Variants in CBFA2T2 observed in about 807,000 individuals in gnomAD.
CBFA2T2 encodes protein CBFA2T2.
CBFA2T2 carries 11 observed loss-of-function variants against 62.2 expected under a neutral mutation model. The ratio of observed to expected loss-of-function variants is 0.18; its 90% CI spans 0.11 to 0.29. The LOEUF (loss-of-function observed/expected upper bound fraction) is 0.29, where lower values mean the gene tolerates loss of function less well. CBFA2T2 is among the 10% of genes least tolerant of loss of function. The pLI, the probability that CBFA2T2 is intolerant of heterozygous loss-of-function variation, is 1.00. For synonymous variants in CBFA2T2, 295 were observed against 287.5 expected, an observed-to-expected ratio of 1.03 and a Z score of -0.27; for missense variants, 592 against 774.1, an observed-to-expected ratio of 0.76 and a Z score of 2.79.
At position 33,644,572 on chromosome 20, in the gene CBFA2T2, G is replaced by A. The variant is rs576506202; in HGVS notation, c.1714G>A (p.Asp572Asn). The A allele has an allele frequency of 3.0e-5, 49 of 1,613,446 alleles. No individual in the cohort carries two copies. The South Asian group carries it at 4.3e-4, about 14-fold the overall frequency. Residue 572 changes from aspartate to asparagine, a missense_variant, in exon 11 of 11, where the codon GAC becomes AAC. By Grantham distance (23) the Asp-to-Asn change is conservative (BLOSUM62 1). Coordinates refer to ENST00000342704, the MANE Select transcript of CBFA2T2 (RefSeq NM_001032999.3). ...CTGCAGCGTGCCCAGCCCAGCCCTC[G>A]ACAAGACCTCGGCAACCACATCGCG... ...ADCSVPSPAL[D>N]KTSATTSRSS...
intron 1 of CBFA2T2, among the ~76,000 whole-genome samples, chr20:33,520,716 G>C (rs919633818): frequency 1.3e-5 from 2 of 152,068 alleles, no homozygotes; most frequent in Non-Finnish European, 1.5e-5. Context: ...TTTGCAGTGA[G>C]CTGAGATCAT....
At chr20:33,497,575 G>A (rs567155082) in intron 1 of CBFA2T2, among the ~76,000 whole-genome samples, 1 of 146,158 alleles carries the variant, frequency 6.8e-6, no homozygotes, top group African/African-American at 2.6e-5. Context: ...TTTTGAGAAG[G>A]GGTCTCACTC....
intron 4 of CBFA2T2, among the ~76,000 whole-genome samples, chr20:33,620,184 T>C (rs1211396139): frequency 1.3e-5 from 2 of 152,152 alleles, no homozygotes; most frequent in African/African-American, 4.8e-5. Context: ...CCATGTTATA[T>C]ATGTTATATT....
chr20:33,626,903 A>G (rs1229236247), intron 6 of CBFA2T2, among the ~76,000 whole-genome samples: 1 of 152,216 alleles, frequency 6.6e-6, no homozygotes, highest in Non-Finnish European at 1.5e-5. Context: ...TTATCCTCAC[A>G]GGAGTCCCAG....
chr20:33,544,579 G>T (rs917356870), intron 1 of CBFA2T2, among the ~76,000 whole-genome samples: 1 of 151,632 alleles, frequency 6.6e-6, no homozygotes, highest in Non-Finnish European at 1.5e-5. Context: ...ATGGAGTCTC[G>T]CTCTGTCACC....
At position 33,644,571 on chromosome 20, in the gene CBFA2T2, C is replaced by T. The variant is rs143406083; in HGVS notation, c.1713C>T (p.Leu571=). ...SADCSVPSPA[L]DKTSATTSRS... ...ACTGCAGCGTGCCCAGCCCAGCCCT[C>T]GACAAGACCTCGGCAACCACATCGC... The change falls in exon 11 of 11, where the codon CTC becomes CTT. Residue 571 remains leucine (L), a synonymous_variant. Coordinates refer to ENST00000342704, the MANE Select transcript of CBFA2T2 (RefSeq NM_001032999.3). 7.5e-5 allele frequency: 121 copies of T among 1,613,482 alleles called. No individual in the cohort carries two copies. In the African/African-American group the frequency reaches 1.4e-3, roughly 19 times the overall value.
At position 33,606,993 on chromosome 20, in the gene CBFA2T2, G is replaced by C; in HGVS notation, c.72G>C (p.Ser24=). ...PEKRVPAMPG[S]PVEVKIQSRS... is the part of the protein sequence containing the mutation. ...AAAGGGTGCCAGCGATGCCTGGATC[G>C]CCTGTGGAAGTGAAGATACAGTCCA... The change falls in exon 2 of 11, where the codon TCG becomes TCC. Residue 24 remains serine (S), a synonymous_variant. Coordinates refer to ENST00000342704, the MANE Select transcript of CBFA2T2 (RefSeq NM_001032999.3). The C allele has an allele frequency of 6.2e-7, 1 of 1,613,834 alleles. No individual in the cohort carries two copies. The highest frequency in any genetic ancestry group is 1.1e-5 in the South Asian group (1 of 91,032).
At chr20:33,543,636 T>C (rs1280164345) in intron 1 of CBFA2T2, among the ~76,000 whole-genome samples, 8 of 152,062 alleles carry the variant, frequency 5.3e-5, no homozygotes, top group Non-Finnish European at 1.5e-5. Context: ...GGGAAGAACA[T>C]ACAAAGATTC....
At chr20:33,622,071 GTTTTTTTC>G in intron 4 of CBFA2T2, among the ~76,000 whole-genome samples, 1 of 152,272 alleles carries the variant, frequency 6.6e-6, no homozygotes, top group South Asian at 2.1e-4. Context: ...CTGACATGGT[GTTTTTTTC>G]AATTAAGTTT....
intron 1 of CBFA2T2, among the ~76,000 whole-genome samples, chr20:33,566,590 A>G (rs375762138): frequency 3.3e-5 from 5 of 150,404 alleles, no homozygotes; most frequent in African/African-American, 1.2e-4. Flanking sequence ...TGGGCAACAG[A>G]GCAAGACTCA....
intron 1 of CBFA2T2, among the ~76,000 whole-genome samples, chr20:33,495,445 T>A (rs1224165544): frequency 6.7e-6 from 1 of 149,208 alleles, no homozygotes; most frequent in Admixed American, 6.7e-5. Context: ...CCCAGCACTT[T>A]GGGAGGCTGA....
intron 8 of CBFA2T2, among the ~76,000 whole-genome samples, chr20:33,635,398 A>G (rs1269117644): frequency 6.6e-6 from 1 of 152,220 alleles, no homozygotes; most frequent in African/African-American, 2.4e-5. Context: ...CAAGAAAGGA[A>G]GGAAAGGAAT....
At position 33,644,327 on chromosome 20, in the gene CBFA2T2, C is replaced by G. The variant is rs1415061376; in HGVS notation, c.1489-20C>G. On this transcript the variant is annotated intron_variant, in intron 10 of 10. Transcript: ENST00000342704. ...GCCCCTCAATCCCAGCAACCACTAA[C>G]TGATGCCTGTGTCTTGCAGAACTGC... 1 of 1,597,780 alleles carries G rather than the reference C, an allele frequency of 6.3e-7. No individual in the cohort carries two copies. The highest frequency in any genetic ancestry group is 1.3e-5 in the African/African-American group (1 of 74,760).
At chr20:33,499,048 G>GAAA (rs11406629) in intron 1 of CBFA2T2, among the ~76,000 whole-genome samples, 15,625 of 137,662 alleles carry the variant, frequency 0.11, 1,123 homozygotes, top group Non-Finnish European at 0.17. Flanking sequence ...CGTCTAAAAA[G>GAAA]AAAAAAAAAA....
intron 1 of CBFA2T2, among the ~76,000 whole-genome samples, chr20:33,582,617 T>C (rs2014170354): frequency 6.6e-6 from 1 of 152,098 alleles, no homozygotes; most frequent in African/African-American, 2.4e-5. Context: ...GGCCAGGAGT[T>C]CAAGACCAGC....
intron 1 of CBFA2T2, among the ~76,000 whole-genome samples, chr20:33,498,162 C>T (rs1462500996): frequency 6.6e-6 from 1 of 151,056 alleles, no homozygotes; most frequent in Non-Finnish European, 1.5e-5. Flanking sequence ...AACTCCTAGG[C>T]TCAAGTGATC....
chr20:33,632,471 CTTTT>C (rs60957531), intron 8 of CBFA2T2, among the ~76,000 whole-genome samples: 1 of 137,866 alleles, frequency 7.3e-6, no homozygotes, highest in Non-Finnish European at 1.6e-5. Context: ...TCACCAATGA[CTTTT>C]TTTTTTTTTT....
intron 1 of CBFA2T2, among the ~76,000 whole-genome samples, chr20:33,558,827 G>GC: frequency 6.6e-6 from 1 of 151,994 alleles, no homozygotes; most frequent in African/African-American, 2.4e-5. Context: ...ACTGTTTGGG[G>GC]GGGCGGCGAT....
chr20:33,525,636 C>G lies in CBFA2T2; in HGVS notation c.34+35335C>G, dbSNP rs148853251. On this transcript the variant is annotated intron_variant, in intron 1 of 10. Coordinates refer to ENST00000342704, the MANE Select transcript of CBFA2T2 (RefSeq NM_001032999.3). Reference sequence around the variant, plus strand: ...ACAATTACTGTCTATTTTTCCTTTCCCCAGTCCCTAATCTACTTTTTTATT... The same window carrying G: ...ACAATTACTGTCTATTTTTCCTTTCGCCAGTCCCTAATCTACTTTTTTATT... Among the ~76,000 whole-genome samples the G allele has an allele frequency of 1.3e-3, 194 of 152,238 alleles. 1 individual carries two copies. Among genetic ancestry groups the G allele is most frequent in the Admixed American group, 3.1e-3 (48 of 15,286 alleles).
Sources: allele counts gnomAD v4.1 joint callset (sites outside exome capture counted in the v4.1 genomes callset), GRCh38; gene constraint gnomAD v4.1.1; transcripts MANE v1.5; gene names NCBI Gene and HGNC (gene_info 2026-07-23, HGNC 2026-07-21).